The following SEMA5A variants were observed in gnomAD, a reference collection of about 807,000 sequenced individuals.
The protein encoded by SEMA5A is semaphorin 5A, also known as semaphorin-5A.
SEMA5A carries 55 observed loss-of-function variants against 135.5 expected under a neutral mutation model. The observed-to-expected ratio is 0.41, with a 90% CI of 0.33 to 0.51. The LOEUF (loss-of-function observed/expected upper bound fraction) is 0.51, where lower values mean the gene tolerates loss of function less well. Among genes scored for constraint, SEMA5A ranks in the 20% least tolerant of loss-of-function variants. The pLI, the probability that SEMA5A is intolerant of heterozygous loss-of-function variation, is 0.37. For synonymous variants in SEMA5A, 580 were observed against 546.5 expected, an observed-to-expected ratio of 1.06 and a Z score of -0.85; for missense variants, 1,290 against 1,419.9, an observed-to-expected ratio of 0.91 and a Z score of 1.47.
intron 1 of SEMA5A, among the ~76,000 whole-genome samples, chr5:9,474,351 G>A (rs941566746): frequency 1.3e-5 from 2 of 152,106 alleles, no homozygotes; most frequent in Non-Finnish European, 2.9e-5. Flanking sequence ...AAGGGATTCT[G>A]GGGGAGGGCT....
intron 6 of SEMA5A, among the ~76,000 whole-genome samples, chr5:9,235,804 A>C (rs1747876676): frequency 6.6e-6 from 1 of 152,184 alleles, no homozygotes; most frequent in South Asian, 2.1e-4. Context: ...TAAAGACAAG[A>C]AGAAAGAGTT....
At chr5:9,154,436 G>C (rs1285233067) in intron 12 of SEMA5A, 52 bp downstream of exon 12, 2 of 1,571,444 alleles carry the variant, frequency 1.3e-6, no homozygotes, top group South Asian at 1.1e-5. Context: ...GCTCTCTCTG[G>C]GTGGGCCCTT....
At chr5:9,362,589 TTCAA>T (rs1018270343) in intron 3 of SEMA5A, among the ~76,000 whole-genome samples, 118 of 152,276 alleles carry the variant, frequency 7.7e-4, no homozygotes, top group Middle Eastern at 3.4e-3. Flanking sequence ...AGTCCGTCCT[TTCAA>T]TTTTACACCT....
At chr5:9,469,791 C>A (rs890686638) in intron 1 of SEMA5A, among the ~76,000 whole-genome samples, 16 of 152,070 alleles carry the variant, frequency 1.1e-4, no homozygotes, top group African/African-American at 3.9e-4. Flanking sequence ...ATGCAAGAAC[C>A]CCCAGCAGGC....
At chr5:9,365,658 C>T (rs757397443) in intron 3 of SEMA5A, among the ~76,000 whole-genome samples, 4 of 152,202 alleles carry the variant, frequency 2.6e-5, no homozygotes, top group Non-Finnish European at 4.4e-5. Context: ...TTCTCCCTTG[C>T]CAGACACTTC....
Position 9,162,191 on chromosome 5 carries a change from T to C in SEMA5A, c.1274-7496A>G, listed in dbSNP as rs184518844. On this transcript the variant is annotated intron_variant, in intron 11 of 22. Transcript: ENST00000382496. ...CTTTGGAGTATAGCTTCTGTGTCTC[T>C]TTTATGAATAACCCTGACTGACCTC... Among the ~76,000 whole-genome samples the C allele has an allele frequency of 1.6e-3, 249 of 152,292 alleles. 1 individual carries two copies. The highest frequency in any genetic ancestry group is 5.7e-3 in the African/African-American group (238 of 41,568).
intron 3 of SEMA5A, among the ~76,000 whole-genome samples, chr5:9,357,934 G>T (rs1579406733): frequency 6.6e-6 from 1 of 152,290 alleles, no homozygotes; most frequent in African/African-American, 2.4e-5. Flanking sequence ...ATTTGGACAG[G>T]AATTATGATC....
At chr5:9,433,051 T>C (rs1217136083) in intron 2 of SEMA5A, among the ~76,000 whole-genome samples, 2 of 152,208 alleles carry the variant, frequency 1.3e-5, no homozygotes, top group Non-Finnish European at 2.9e-5. Flanking sequence ...TCTCTATTTG[T>C]AGAAAGGAGA....
rs549310867 is a variant in SEMA5A at position 9,484,327 on chromosome 5, A to G, written c.-174-46475T>C. Reference sequence around the variant, plus strand: ...ACCAACATGATTTCCTTGGCCTCCCACAGTCAGAATAATAAAAAGAAATTC... The same window carrying G: ...ACCAACATGATTTCCTTGGCCTCCCGCAGTCAGAATAATAAAAAGAAATTC... On this transcript the variant is annotated intron_variant, in intron 1 of 22. Coordinates refer to ENST00000382496, the MANE Select transcript of SEMA5A (RefSeq NM_003966.3). Among the ~76,000 whole-genome samples the G allele has an allele frequency of 3.3e-5, 5 of 152,306 alleles. No homozygotes were observed. The South Asian group carries it at 1.0e-3, about 32-fold the overall frequency.
intron 3 of SEMA5A, among the ~76,000 whole-genome samples, chr5:9,366,916 G>A (rs1044544439): frequency 1.3e-5 from 2 of 152,158 alleles, no homozygotes; most frequent in African/African-American, 4.8e-5. Context: ...ATACATCAGA[G>A]AAGCAGTTAA....
chr5:9,065,896 T>C (rs960537794), intron 17 of SEMA5A, among the ~76,000 whole-genome samples: 3 of 152,218 alleles, frequency 2.0e-5, no homozygotes, highest in African/African-American at 7.2e-5. Flanking sequence ...ATGCTATTAC[T>C]ATGGCATTCA....
At chr5:9,072,514 C>T (rs539881328) in intron 16 of SEMA5A, among the ~76,000 whole-genome samples, 67 of 152,238 alleles carry the variant, frequency 4.4e-4, no homozygotes, top group Non-Finnish European at 9.6e-4. Flanking sequence ...GAAAGATCTG[C>T]CTGAAATGAT....
At chr5:9,199,030 G>A (rs1745565056) in intron 9 of SEMA5A, among the ~76,000 whole-genome samples, 7 of 152,120 alleles carry the variant, frequency 4.6e-5, no homozygotes, top group Admixed American at 2.6e-4. Flanking sequence ...GAGAGTTTAC[G>A]CAGCCCAAGT....
chr5:9,435,255 A>T (rs1757989500), intron 2 of SEMA5A, among the ~76,000 whole-genome samples: 1 of 152,210 alleles, frequency 6.6e-6, no homozygotes, highest in Admixed American at 6.5e-5. Context: ...GGCAGTATGT[A>T]TAAGGGTGCA....
At chr5:9,407,894 C>A (rs1421913162) in intron 2 of SEMA5A, among the ~76,000 whole-genome samples, 1 of 152,158 alleles carries the variant, frequency 6.6e-6, no homozygotes, top group South Asian at 2.1e-4. Context: ...ATCACCATCT[C>A]TACCACCATC....
intron 8 of SEMA5A, among the ~76,000 whole-genome samples, chr5:9,219,691 A>T (rs914004141): frequency 1.3e-5 from 2 of 152,146 alleles, no homozygotes; most frequent in African/African-American, 4.8e-5. Context: ...TTCCTTTTGG[A>T]CTTTCAGCCT....
rs57533658 is a variant in SEMA5A, at chr5:9,123,258, C to CAAAAAAAAAAAAAA, written c.1600-435_1600-422dup. Among the ~76,000 whole-genome samples the CAAAAAAAAAAAAAA allele has an allele frequency of 4.6e-4, 18 of 38,930 alleles. 2 individuals carry two copies. Among genetic ancestry groups the CAAAAAAAAAAAAAA allele is most frequent in the South Asian group, 1.8e-3 (2 of 1,088 alleles). The allele number at this position is 38,930 out of a possible 152,430, so 25.5% of individuals were successfully genotyped here. A position where few individuals can be genotyped will look rare whatever the true frequency, so the allele number is the denominator to read the frequency against. On this transcript the variant is annotated intron_variant, in intron 13 of 22. Transcript: ENST00000382496. Reference sequence around the variant, plus strand: ...TGAGGGAAGGAGCGAGACTCCGCCTCAAAAAAAAAAAAAAAAAAAAAAAAA... The same window carrying CAAAAAAAAAAAAAA: ...TGAGGGAAGGAGCGAGACTCCGCCTCAAAAAAAAAAAAAAAAAAAAAAAAAAAAAAAAAAAAAAA...
rs1453499400 is a variant in SEMA5A at position 9,197,235 on chromosome 5, G to A, written c.1001C>T (p.Pro334Leu). 1 of 1,614,220 alleles carries A rather than the reference G, an allele frequency of 6.2e-7. No individual in the cohort carries two copies. The highest frequency in any genetic ancestry group is 1.1e-5 in the South Asian group (1 of 91,088). Residue 334 changes from proline (P) to leucine (L), a missense_variant, in exon 10 of 23, where the codon CCC becomes CTC. Coordinates refer to ENST00000382496, the MANE Select transcript of SEMA5A (RefSeq NM_003966.3). ...LSAIAQAFSG[P>L]FKYQENSRSA... is the part of the protein sequence containing the mutation. ...GCGCGAGTTTTCTTGGTACTTGAAG[G>A]GCCCAGAGAAGGCCTGCGCGATGGC...
At chr5:9,121,331 G>A (rs1418614831) in intron 14 of SEMA5A, among the ~76,000 whole-genome samples, 2 of 152,078 alleles carry the variant, frequency 1.3e-5, no homozygotes, top group African/African-American at 2.4e-5. Context: ...TCACTTTCAC[G>A]ATTATTAGTA....
Sources: allele counts gnomAD v4.1 joint callset (sites outside exome capture counted in the v4.1 genomes callset), GRCh38; gene constraint gnomAD v4.1.1; transcripts MANE v1.5; gene names NCBI Gene and HGNC (gene_info 2026-07-23, HGNC 2026-07-21).